Variants in SLC35F1 observed in about 807,000 individuals in gnomAD.
SLC35F1 encodes solute carrier family 35 member F1.
SLC35F1 carries 14 observed loss-of-function variants against 48.7 expected under a neutral mutation model. The observed-to-expected ratio is 0.29, with a 90% CI of 0.19 to 0.45. The LOEUF (loss-of-function observed/expected upper bound fraction) is 0.45, where lower values mean the gene tolerates loss of function less well. Among genes scored for constraint, SLC35F1 ranks in the 20% least tolerant of loss-of-function variants. The pLI is 1.00. For missense variants in SLC35F1, 404 were observed against 500.0 expected (o/e 0.81, Z 1.83); for synonymous variants, 190 against 202.2 (o/e 0.94, Z 0.51).
intron 3 of SLC35F1, among the ~76,000 whole-genome samples, chr6:118,239,925 C>G (rs1041379354): frequency 6.6e-6 from 1 of 152,140 alleles, no homozygotes; most frequent in Non-Finnish European, 1.5e-5. Context: ...GAAGGCATTT[C>G]CTCTGTGAGC....
chr6:118,190,634 A>T (rs1399640424), intron 2 of SLC35F1, among the ~76,000 whole-genome samples: 1 of 152,124 alleles, frequency 6.6e-6, no homozygotes, highest in Non-Finnish European at 1.5e-5. Flanking sequence ...AGACCATTTG[A>T]CATTCTAGAG....
At chr6:118,003,634 A>G (rs1304149692) in intron 1 of SLC35F1, among the ~76,000 whole-genome samples, 3 of 152,250 alleles carry the variant, frequency 2.0e-5, no homozygotes, top group Non-Finnish European at 4.4e-5. Flanking sequence ...CGGTAAATGG[A>G]GATCATCCCA....
chr6:118,228,252 T>C (rs2114573101), intron 2 of SLC35F1, among the ~76,000 whole-genome samples: 1 of 152,320 alleles, frequency 6.6e-6, no homozygotes, highest in South Asian at 2.1e-4. Context: ...TCATGAACAA[T>C]TTAGATTTTC....
chr6:118,249,115 T>C (rs1376287759), intron 3 of SLC35F1, among the ~76,000 whole-genome samples: 1 of 152,204 alleles, frequency 6.6e-6, no homozygotes, highest in Non-Finnish European at 1.5e-5. Context: ...GGGAAATAAA[T>C]ATATGTTGTT....
intron 7 of SLC35F1, among the ~76,000 whole-genome samples, chr6:118,292,374 T>A (rs1196338079): frequency 2.0e-5 from 3 of 152,168 alleles, no homozygotes; most frequent in African/African-American, 7.2e-5. Flanking sequence ...TGCAATACAC[T>A]GTCTTGGGAA....
chr6:118,227,862 G>A (rs1775238653), intron 2 of SLC35F1, among the ~76,000 whole-genome samples: 1 of 152,210 alleles, frequency 6.6e-6, no homozygotes, highest in Non-Finnish European at 1.5e-5. Context: ...TGAGTTGGGT[G>A]AGAGGGGAAC....
At position 118,309,183 on chromosome 6, in the gene SLC35F1, G is replaced by A. The variant is rs2114669628; in HGVS notation, c.1003-4845G>A. Among the ~76,000 whole-genome samples, 3 of 148,816 alleles carry A rather than the reference G, an allele frequency of 2.0e-5. 1 individual carries two copies. The highest frequency in any genetic ancestry group is 2.0e-4 in the Admixed American group (3 of 15,128). On this transcript the variant is annotated intron_variant, in intron 7 of 7. Transcript: ENST00000360388. Reference sequence around the variant, plus strand: ...GGGGCCTGTAGATGTGTGTGTGTGTGTGTGTGTGTGTGTGTGTGTGCGTGT... The same window carrying A: ...GGGGCCTGTAGATGTGTGTGTGTGTATGTGTGTGTGTGTGTGTGTGCGTGT...
chr6:118,097,609 G>A (rs927835749), intron 1 of SLC35F1, among the ~76,000 whole-genome samples: 10 of 152,150 alleles, frequency 6.6e-5, no homozygotes, highest in African/African-American at 2.4e-4. Flanking sequence ...AGCTGACTCT[G>A]GTGGAGTGAT....
At chr6:118,043,684 T>A (rs1159589016) in intron 1 of SLC35F1, among the ~76,000 whole-genome samples, 1 of 136,632 alleles carries the variant, frequency 7.3e-6, no homozygotes, top group Non-Finnish European at 1.7e-5. Flanking sequence ...GTGTTAGACA[T>A]ACGCCCTCAC....
At position 118,039,796 on chromosome 6, in the gene SLC35F1, A is replaced by ATT. The variant is rs1312799873; in HGVS notation, c.174-114648_174-114647dup. 1.8e-3 allele frequency among the ~76,000 whole-genome samples: 99 copies of ATT among 55,900 alleles called. 1 individual carries two copies. Among genetic ancestry groups the ATT allele is most frequent in the African/African-American group, 3.5e-3 (75 of 21,568 alleles). The allele number at this position is 55,900 out of a possible 152,430, so 36.7% of individuals were successfully genotyped here. A position where few individuals can be genotyped will look rare whatever the true frequency, so the allele number is the denominator to read the frequency against. ...AATTTTAACATCTAAGCATCTCAGG[A>ATT]TTGTTTTTTTTGTTTTTTTTTTTTG... On this transcript the variant is annotated intron_variant, in intron 1 of 7. Transcript: ENST00000360388.
chr6:118,084,252 T>G (rs1267511118), intron 1 of SLC35F1, among the ~76,000 whole-genome samples: 1 of 152,174 alleles, frequency 6.6e-6, no homozygotes, highest in Admixed American at 6.5e-5. Flanking sequence ...TTTTTTTAAG[T>G]TTAAACTTGT....
At chr6:117,983,900 A>G (rs1265303791) in intron 1 of SLC35F1, among the ~76,000 whole-genome samples, 1 of 152,168 alleles carries the variant, frequency 6.6e-6, no homozygotes, top group Admixed American at 6.5e-5. Context: ...ACTGTATAAA[A>G]TTAGACTAGC....
At chr6:118,100,406 C>A (rs1773240122) in intron 1 of SLC35F1, among the ~76,000 whole-genome samples, 1 of 152,074 alleles carries the variant, frequency 6.6e-6, no homozygotes, top group Non-Finnish European at 1.5e-5. Context: ...CCAAGGCTAC[C>A]CTAACTTCAG....
At chr6:118,076,500 A>C (rs560586063) in intron 1 of SLC35F1, among the ~76,000 whole-genome samples, 3 of 152,310 alleles carry the variant, frequency 2.0e-5, no homozygotes, top group African/African-American at 7.2e-5. Flanking sequence ...AAGAGGAAGC[A>C]AGCACATCTT....
intron 3 of SLC35F1, among the ~76,000 whole-genome samples, chr6:118,260,459 T>G (rs1775698277): frequency 6.6e-6 from 1 of 151,046 alleles, no homozygotes. Flanking sequence ...TTAATTTTTT[T>G]TAAAAAAGAA....
At chr6:117,984,431 C>T (rs958020644) in intron 1 of SLC35F1, among the ~76,000 whole-genome samples, 4 of 146,884 alleles carry the variant, frequency 2.7e-5, no homozygotes, top group African/African-American at 5.1e-5. Context: ...CCTCGGAGGC[C>T]GAGCTTGTAG....
chr6:118,024,454 G>A (rs73766414), intron 1 of SLC35F1, among the ~76,000 whole-genome samples: 4,401 of 152,182 alleles, frequency 0.029, 137 homozygotes, highest in African/African-American at 0.076. Flanking sequence ...TTGGAAGGAT[G>A]GTTGTGAAAA....
chr6:118,001,481 T>G (rs1157412260), intron 1 of SLC35F1, among the ~76,000 whole-genome samples: 1 of 152,200 alleles, frequency 6.6e-6, no homozygotes, highest in African/African-American at 2.4e-5. Flanking sequence ...ACGTCAGATC[T>G]AAAACCATAA....
intron 3 of SLC35F1, among the ~76,000 whole-genome samples, chr6:118,247,079 A>G (rs959124283): frequency 1.3e-5 from 2 of 152,222 alleles, no homozygotes; most frequent in South Asian, 2.1e-4. Context: ...TGTTCTTTCC[A>G]TCAATCCAAT....
Sources: gnomAD v4.1 joint callset for allele counts (sites outside exome capture counted in the v4.1 genomes callset) on GRCh38, gnomAD v4.1.1 for gene constraint, MANE v1.5 for transcripts, NCBI Gene and HGNC (gene_info 2026-07-23, HGNC 2026-07-21) for gene names.